FRMPD4: variants seen among roughly 807,000 people sequenced by gnomAD.
The protein encoded by FRMPD4 is FERM and PDZ domain-containing protein 4.
A neutral mutation model predicts 94.1 loss-of-function variants in FRMPD4; 22 were observed. The observed-to-expected ratio is 0.23, with a 90% CI of 0.17 to 0.33. The LOEUF is 0.33. Ranked by LOEUF, FRMPD4 falls within the 10% of genes least tolerant of loss-of-function variation. The pLI is 1.00. For synonymous variants in FRMPD4, 631 were observed against 548.6 expected (o/e 1.15, Z -2.10); for missense variants, 1,111 against 1,339.9 (o/e 0.83, Z 2.67).
intron 3 of FRMPD4, 34 bp from the exon 4 acceptor site, chrX:12,614,745 C>A: frequency 1.3e-6 from 1 of 759,921 alleles, no homozygotes; most frequent in Non-Finnish European, 2.0e-6. Context: ...TGCTAATGGT[C>A]TTCTCACCTG....
At chrX:12,021,761 C>T (rs2054633251) in intron 3 of FRMPD4, among the ~76,000 whole-genome samples, 2 of 111,678 alleles carry the variant, frequency 1.8e-5, no homozygotes, top group South Asian at 3.8e-4. Context: ...CAGAAGAAGT[C>T]CCGTTTTCAC....
intron 3 of FRMPD4, among the ~76,000 whole-genome samples, chrX:11,926,258 CAA>C (rs763084115): frequency 1.3e-4 from 4 of 30,712 alleles, no homozygotes; most frequent in African/African-American, 4.7e-4. Flanking sequence ...GCTTACCAAC[CAA>C]AAAAAAAAAA....
At chrX:12,353,825 G>A (rs1433013158) in intron 1 of FRMPD4, among the ~76,000 whole-genome samples, 8 of 112,031 alleles carry the variant, frequency 7.1e-5, no homozygotes, top group Non-Finnish European at 1.3e-4. Context: ...GTTGTGAAGT[G>A]TGTTTTGATT....
chrX:12,193,778 G>A (rs776186001), intron 1 of FRMPD4, among the ~76,000 whole-genome samples: 11,200 of 30,179 alleles, frequency 0.37, 2,274 homozygotes, highest in East Asian at 0.51. Flanking sequence ...AAGAAAGGAA[G>A]GAAGGAAGGA....
chrX:12,040,386 T>TG (rs1209999355), intron 3 of FRMPD4, among the ~76,000 whole-genome samples: 4 of 107,974 alleles, frequency 3.7e-5, no homozygotes, highest in Non-Finnish European at 7.7e-5. Flanking sequence ...ACCATTTGTA[T>TG]GGTTTGTCTT....
chrX:12,453,990 G>A (rs918292526), intron 1 of FRMPD4, among the ~76,000 whole-genome samples: 4 of 112,348 alleles, frequency 3.6e-5, no homozygotes, highest in African/African-American at 1.3e-4. Context: ...TTTTGTAAAT[G>A]CAGATGAAAT....
At chrX:11,980,621 C>A (rs1020752383) in intron 3 of FRMPD4, among the ~76,000 whole-genome samples, 1 of 110,708 alleles carries the variant, frequency 9.0e-6, no homozygotes, top group Non-Finnish European at 1.9e-5. Flanking sequence ...CAATTTTTAC[C>A]TTTTCTACAC....
chrX:12,505,786 A>G (rs945857188), intron 2 of FRMPD4, among the ~76,000 whole-genome samples: 2 of 108,630 alleles, frequency 1.8e-5, no homozygotes, highest in Admixed American at 9.8e-5. Flanking sequence ...GGCTGGTGAC[A>G]GAAGTGCCAT....
intron 5 of FRMPD4, among the ~76,000 whole-genome samples, chrX:12,683,026 C>A (rs995993256): frequency 6.3e-5 from 7 of 111,478 alleles, no homozygotes; most frequent in South Asian, 3.8e-4. Context: ...CCCATATGCC[C>A]TTAATGTGAA....
chrX:11,881,676 A>G (rs1263564961), intron 3 of FRMPD4, among the ~76,000 whole-genome samples: 1 of 112,066 alleles, frequency 8.9e-6, no homozygotes, highest in Admixed American at 9.4e-5. Flanking sequence ...TGGGTGGTGG[A>G]AATATTCTGT....
intron 1 of FRMPD4, among the ~76,000 whole-genome samples, chrX:11,831,943 A>T (rs2053477202): frequency 8.9e-6 from 1 of 112,307 alleles, no homozygotes; most frequent in Non-Finnish European, 1.9e-5. Flanking sequence ...ATTATGACTT[A>T]TGAGTGTTTA....
chrX:12,219,887 A>T, intron 1 of FRMPD4, among the ~76,000 whole-genome samples: 1 of 112,256 alleles, frequency 8.9e-6, no homozygotes, highest in Non-Finnish European at 1.9e-5. Context: ...CAAGCCTGTT[A>T]TCCCAGCACT....
chrX:12,211,640 C>T (rs2056756298), intron 1 of FRMPD4, among the ~76,000 whole-genome samples: 1 of 111,771 alleles, frequency 8.9e-6, no homozygotes, highest in African/African-American at 3.2e-5. Flanking sequence ...AATAATCATA[C>T]CCATTTTCAA....
chrX:12,574,961 T>C (rs1328903583), intron 2 of FRMPD4, among the ~76,000 whole-genome samples: 1 of 111,928 alleles, frequency 8.9e-6, no homozygotes, highest in East Asian at 2.8e-4. Flanking sequence ...TAAGAACATC[T>C]ATGAAGACTA....
chrX:11,918,868 A>G (rs1476010220), intron 3 of FRMPD4, among the ~76,000 whole-genome samples: 1 of 112,264 alleles, frequency 8.9e-6, no homozygotes, highest in East Asian at 2.8e-4. Flanking sequence ...ACTAGGCTGA[A>G]ACTGAGACGG....
intron 3 of FRMPD4, among the ~76,000 whole-genome samples, chrX:11,916,753 G>T (rs1008700377): frequency 9.0e-6 from 1 of 111,684 alleles, no homozygotes; most frequent in African/African-American, 3.3e-5. Context: ...ATTCCATAAG[G>T]AGGGGACTGG....
chrX:12,053,370 GAAAGA>G, intron 3 of FRMPD4, among the ~76,000 whole-genome samples: 1 of 52,834 alleles, frequency 1.9e-5, no homozygotes, highest in South Asian at 8.5e-4. Context: ...AAGAAAGAAA[GAAAGA>G]AAGAAAGAAA....
At chrX:11,900,139 C>G (rs1263515214) in intron 3 of FRMPD4, among the ~76,000 whole-genome samples, 1 of 110,247 alleles carries the variant, frequency 9.1e-6, no homozygotes, top group Non-Finnish European at 1.9e-5. Flanking sequence ...TTATTGTTGG[C>G]TTTTTCCCCT....
At chrX:12,102,659 T>TG (rs1255494262) in intron 3 of FRMPD4, among the ~76,000 whole-genome samples, 2 of 111,802 alleles carry the variant, frequency 1.8e-5, no homozygotes, top group African/African-American at 6.5e-5. Context: ...TTTGCACATG[T>TG]GTTTTAGTTA....
Sources: allele counts gnomAD v4.1 joint callset (sites outside exome capture counted in the v4.1 genomes callset), GRCh38; gene constraint gnomAD v4.1.1; transcripts MANE v1.5; gene names NCBI Gene and HGNC (gene_info 2026-07-23, HGNC 2026-07-21).